RASEF: variants seen among roughly 807,000 people sequenced by gnomAD.
The protein encoded by RASEF is RAS and EF-hand domain containing.
RASEF carries 68 observed loss-of-function variants against 90.1 expected under a neutral mutation model. That is an observed-to-expected ratio of 0.75 (90% CI 0.62 to 0.92). RASEF has a LOEUF of 0.92. RASEF is among the 40% of genes least tolerant of loss of function. RASEF has a pLI of 0.00. For missense variants in RASEF, 949 were observed against 937.2 expected, an observed-to-expected ratio of 1.01 and a Z score of -0.16; for synonymous variants, 331 against 345.2, an observed-to-expected ratio of 0.96 and a Z score of 0.46.
the RASEF span, among the ~76,000 whole-genome samples, chr9:83,210,080 T>A: frequency 6.6e-6 from 1 of 152,224 alleles, no homozygotes; most frequent in Non-Finnish European, 1.5e-5. Flanking sequence ...AACAGATATT[T>A]GCGTCATGGA....
the RASEF span, among the ~76,000 whole-genome samples, chr9:83,136,714 C>G: frequency 2.1e-5 from 3 of 143,060 alleles, no homozygotes; most frequent in Non-Finnish European, 4.4e-5. Flanking sequence ...TCTATTTGTT[C>G]CCCCTTACTC....
chr9:83,177,168 C>T, the RASEF span, among the ~76,000 whole-genome samples: 3 of 152,064 alleles, frequency 2.0e-5, no homozygotes, highest in African/African-American at 7.2e-5. Flanking sequence ...TGTGCATTCC[C>T]ATTGTCTTTT....
At chr9:83,175,994 G>C in the RASEF span, among the ~76,000 whole-genome samples, 1 of 152,138 alleles carries the variant, frequency 6.6e-6, no homozygotes, top group Admixed American at 6.5e-5. Context: ...TGTTATGCTA[G>C]GCAGAATGTT....
the RASEF span, among the ~76,000 whole-genome samples, chr9:83,194,271 C>T: frequency 6.6e-6 from 1 of 152,144 alleles, no homozygotes; most frequent in African/African-American, 2.4e-5. Context: ...TCAGGGACAG[C>T]CTCTCATGCT....
intron 4 of RASEF, among the ~76,000 whole-genome samples, chr9:83,013,905 G>A (rs1470036070): frequency 6.6e-6 from 1 of 152,212 alleles, no homozygotes; most frequent in Non-Finnish European, 1.5e-5. Flanking sequence ...CTAAAAATCA[G>A]AAAGATGATG....
At chr9:83,045,091 A>C (rs999901367) in intron 1 of RASEF, among the ~76,000 whole-genome samples, 2 of 152,118 alleles carry the variant, frequency 1.3e-5, no homozygotes, top group African/African-American at 4.8e-5. Context: ...ATATATCTCA[A>C]TCTCTCTCTT....
chr9:83,049,644 C>A (rs1192164513), intron 1 of RASEF, among the ~76,000 whole-genome samples: 2 of 144,718 alleles, frequency 1.4e-5, no homozygotes, highest in East Asian at 4.1e-4. Context: ...CACGCACTAA[C>A]GTGTCATCTA....
At chr9:83,133,445 T>C in the RASEF span, among the ~76,000 whole-genome samples, 3 of 152,182 alleles carry the variant, frequency 2.0e-5, no homozygotes, top group African/African-American at 7.2e-5. Flanking sequence ...GGATTATCAC[T>C]TACTGATTTG....
chr9:83,175,729 C>T, the RASEF span, among the ~76,000 whole-genome samples: 1 of 152,052 alleles, frequency 6.6e-6, no homozygotes, highest in African/African-American at 2.4e-5. Context: ...TACAGGCGCA[C>T]ACTGCCATGC....
At chr9:82,989,222 A>ATGTGTG (rs34304913) in intron 16 of RASEF, among the ~76,000 whole-genome samples, 11,725 of 151,432 alleles carry the variant, frequency 0.077, 553 homozygotes, top group Non-Finnish European at 0.12. Flanking sequence ...GTATGTGTGC[A>ATGTGTG]TGTGTGCGTG....
At chr9:83,191,766 A>G in the RASEF span, among the ~76,000 whole-genome samples, 2 of 152,212 alleles carry the variant, frequency 1.3e-5, no homozygotes, top group Non-Finnish European at 2.9e-5. Context: ...CCTGTCAAAA[A>G]ATGTTTTGTT....
At position 83,011,550 on chromosome 9, in the gene RASEF, C is replaced by CAAAAAAA. The variant is rs71363083; in HGVS notation, c.843+877_843+883dup. Among the ~76,000 whole-genome samples, 15 of 28,118 alleles carry CAAAAAAA rather than the reference C, an allele frequency of 5.3e-4. 1 individual carries two copies. Among genetic ancestry groups the CAAAAAAA allele is most frequent in the Admixed American group, 6.2e-4 (1 of 1,618 alleles). 18.4% of individuals were successfully genotyped at this position (28,118 alleles called of 152,430 possible). On this transcript the variant is annotated intron_variant, in intron 5 of 16. Transcript: ENST00000376447. ...CTGGTGACAGAGCAAGACTCCATCTCAAAAAAAAAAAAAAAAAAAAAAAAA... is the reference window on the plus strand; with the variant it reads ...CTGGTGACAGAGCAAGACTCCATCTCAAAAAAAAAAAAAAAAAAAAAAAAAAAAAAAA...
the RASEF span, among the ~76,000 whole-genome samples, chr9:83,141,163 A>T: frequency 0.028 from 4,144 of 146,038 alleles, 219 homozygotes; most frequent in African/African-American, 0.1. Context: ...AAAAAAAGGT[A>T]ATTATCCAGG....
the RASEF span, among the ~76,000 whole-genome samples, chr9:83,087,024 C>T: frequency 1.3e-5 from 2 of 152,146 alleles, no homozygotes; most frequent in Non-Finnish European, 2.9e-5. Context: ...AAAAGGATAA[C>T]TGTGATAGAA....
chr9:83,119,008 C>CT, the RASEF span, among the ~76,000 whole-genome samples: 4,251 of 141,092 alleles, frequency 0.03, 211 homozygotes, highest in African/African-American at 0.1. Context: ...TTTTTCTTTT[C>CT]TTTTTTTTTT....
chr9:83,079,985 A>G, the RASEF span, among the ~76,000 whole-genome samples: 1 of 152,366 alleles, frequency 6.6e-6, no homozygotes, highest in East Asian at 1.9e-4. Flanking sequence ...ATTGTTTAAA[A>G]TAAGTGTATA....
chr9:83,079,249 C>T, the RASEF span, among the ~76,000 whole-genome samples: 4 of 152,052 alleles, frequency 2.6e-5, no homozygotes, highest in Admixed American at 6.6e-5. Flanking sequence ...GGAAGAGGTC[C>T]AGCTTTAATC....
chr9:83,109,513 G>T, the RASEF span, among the ~76,000 whole-genome samples: 5 of 152,242 alleles, frequency 3.3e-5, no homozygotes, highest in South Asian at 1.0e-3. Flanking sequence ...TGAGGACATG[G>T]CATGTTTTGA....
intron 9 of RASEF, 54 bp from the exon 10 acceptor site, chr9:83,001,184 A>C: frequency 7.8e-7 from 1 of 1,282,984 alleles, no homozygotes; most frequent in Non-Finnish European, 1.1e-6. Flanking sequence ...GCTCAAGAAC[A>C]TACAGGCAAT....
Sources: gnomAD v4.1 joint callset for allele counts (sites outside exome capture counted in the v4.1 genomes callset) on GRCh38, gnomAD v4.1.1 for gene constraint, MANE v1.5 for transcripts, NCBI Gene and HGNC (gene_info 2026-07-23, HGNC 2026-07-21) for gene names.